Variants in PELI2 observed in about 807,000 individuals in gnomAD.
PELI2 encodes the protein pellino E3 ubiquitin protein ligase family member 2.
In PELI2, 23 loss-of-function variants were observed where a neutral mutation model predicts 42.3. The ratio of observed to expected loss-of-function variants is 0.54; its 90% CI spans 0.39 to 0.77. The LOEUF is 0.77. PELI2 is among the 30% of genes least tolerant of loss of function. The probability of loss-of-function intolerance (pLI) is 0.00; values close to 1 mark genes in which losing one functional copy is unlikely to be tolerated. For synonymous variants in PELI2, 245 were observed against 212.2 expected (o/e 1.15, Z -1.34); for missense variants, 463 against 553.2 (o/e 0.84, Z 1.64).
At chr14:56,230,778 A>T (rs1004278946) in intron 2 of PELI2, among the ~76,000 whole-genome samples, 9 of 152,244 alleles carry the variant, frequency 5.9e-5, no homozygotes, top group Non-Finnish European at 8.8e-5. Flanking sequence ...AATGGGCTAA[A>T]TGTTCCAATT....
At chr14:56,141,391 T>A (rs1326295303) in intron 1 of PELI2, among the ~76,000 whole-genome samples, 2 of 152,202 alleles carry the variant, frequency 1.3e-5, no homozygotes, top group Admixed American at 1.3e-4. Context: ...GGCACGAGAA[T>A]GGCCAGTTGG....
intron 2 of PELI2, among the ~76,000 whole-genome samples, chr14:56,267,206 G>A (rs1247735023): frequency 6.6e-6 from 1 of 152,064 alleles, no homozygotes. Context: ...AAAATTAAGT[G>A]TTATAGAGAT....
At chr14:56,208,742 AGC>A (rs1288759291) in intron 2 of PELI2, among the ~76,000 whole-genome samples, 1 of 152,254 alleles carries the variant, frequency 6.6e-6, no homozygotes, top group Admixed American at 6.5e-5. Flanking sequence ...CACATACCAA[AGC>A]ATGATGGTTA....
At chr14:56,182,203 G>A (rs1765147758) in intron 2 of PELI2, among the ~76,000 whole-genome samples, 1 of 151,990 alleles carries the variant, frequency 6.6e-6, no homozygotes, top group African/African-American at 2.4e-5. Flanking sequence ...AGCTGGAGAG[G>A]AGAGAGGAGT....
intron 2 of PELI2, among the ~76,000 whole-genome samples, chr14:56,262,806 A>C (rs575551281): frequency 2.8e-5 from 2 of 71,898 alleles, no homozygotes; most frequent in South Asian, 8.0e-4. Flanking sequence ...TGTGTTATAT[A>C]ATATCCCTGA....
At chr14:56,277,823 AT>A (rs1889346825) in intron 2 of PELI2, among the ~76,000 whole-genome samples, 1 of 152,260 alleles carries the variant, frequency 6.6e-6, no homozygotes, top group African/African-American at 2.4e-5. Flanking sequence ...TGTTTTAAGC[AT>A]GAGCAACTCC....
intron 1 of PELI2, among the ~76,000 whole-genome samples, chr14:56,120,909 T>A (rs1277008076): frequency 6.6e-6 from 1 of 152,164 alleles, no homozygotes; most frequent in Non-Finnish European, 1.5e-5. Flanking sequence ...GGTATTTTTC[T>A]TTTTTCGAGG....
chr14:56,247,833 C>T (rs1272534617), intron 2 of PELI2, among the ~76,000 whole-genome samples: 1 of 152,126 alleles, frequency 6.6e-6, no homozygotes, highest in East Asian at 1.9e-4. Flanking sequence ...TTCATGGAAT[C>T]TTGTTAAGAA....
At chr14:56,225,490 A>G (rs1445655485) in intron 2 of PELI2, among the ~76,000 whole-genome samples, 2 of 152,154 alleles carry the variant, frequency 1.3e-5, no homozygotes, top group African/African-American at 2.4e-5. Context: ...AGCTCCCAGA[A>G]TGATGGGAGA....
chr14:56,226,886 A>C (rs1002222368), intron 2 of PELI2, among the ~76,000 whole-genome samples: 1 of 152,198 alleles, frequency 6.6e-6, no homozygotes, highest in Non-Finnish European at 1.5e-5. Context: ...CAAATTTTGC[A>C]GAACATGTAC....
Position 56,297,020 on chromosome 14 carries a change from T to C in PELI2, c.1117T>C (p.Cys373Arg), listed in dbSNP as rs1269962911. 1.9e-6 allele frequency: 3 copies of C among 1,614,130 alleles called. No individual in the cohort carries two copies. Among genetic ancestry groups the C allele is most frequent in the Non-Finnish European group, 8.5e-7 (1 of 1,180,022 alleles). The part of the protein sequence containing the change: ...THAFTPCGHV[C>R]SEKSAKYWSQ... ...TGCTTTCACTCCCTGTGGACACGTG[T>C]GCTCGGAGAAGTCTGCAAAATACTG... Residue 373 changes from cysteine to arginine, a missense_variant, in exon 6 of 6, where the codon TGC (cysteine) becomes CGC (arginine). This residue lies in a region of PELI2 where 103 missense variants were observed against 129.6 expected (regional missense o/e 0.80). Coordinates refer to ENST00000267460, the MANE Select transcript of PELI2 (RefSeq NM_021255.3).
chr14:56,251,076 C>T (rs1042177276), intron 2 of PELI2, among the ~76,000 whole-genome samples: 3 of 152,176 alleles, frequency 2.0e-5, no homozygotes, highest in Non-Finnish European at 4.4e-5. Flanking sequence ...AGCTACAGGC[C>T]GCCCCTGGGG....
intron 2 of PELI2, among the ~76,000 whole-genome samples, chr14:56,258,060 G>A (rs937316809): frequency 6.6e-6 from 1 of 152,178 alleles, no homozygotes; most frequent in African/African-American, 2.4e-5. Flanking sequence ...AAAGGACTGG[G>A]ATTAGTTATG....
intron 2 of PELI2, among the ~76,000 whole-genome samples, chr14:56,188,852 C>T (rs988486581): frequency 2.0e-5 from 3 of 152,104 alleles, no homozygotes; most frequent in African/African-American, 7.2e-5. Context: ...TGTGGCTCAT[C>T]TTTCACTTTA....
At chr14:56,244,159 G>A (rs1888071319) in intron 2 of PELI2, among the ~76,000 whole-genome samples, 1 of 152,162 alleles carries the variant, frequency 6.6e-6, no homozygotes, top group Admixed American at 6.6e-5. Flanking sequence ...AAACCTCAGA[G>A]GCATCATTCA....
At chr14:56,248,473 C>T (rs1052858696) in intron 2 of PELI2, among the ~76,000 whole-genome samples, 1 of 151,892 alleles carries the variant, frequency 6.6e-6, no homozygotes, top group African/African-American at 2.4e-5. Context: ...GAAAGCTTCA[C>T]ACAAGAGGTG....
intron 5 of PELI2, among the ~76,000 whole-genome samples, chr14:56,296,155 A>G (rs1233802898): frequency 2.0e-5 from 3 of 152,240 alleles, no homozygotes; most frequent in Non-Finnish European, 1.5e-5. Context: ...ACCCTCCAGT[A>G]ATGACTGCAG....
At chr14:56,171,848 T>A (rs1261079296) in intron 1 of PELI2, among the ~76,000 whole-genome samples, 2 of 152,072 alleles carry the variant, frequency 1.3e-5, no homozygotes, top group Non-Finnish European at 2.9e-5. Context: ...AAACCCTGTC[T>A]CTGCTAAAAA....
chr14:56,142,678 G>T (rs569930665), intron 1 of PELI2, among the ~76,000 whole-genome samples: 2 of 101,210 alleles, frequency 2.0e-5, no homozygotes, highest in Non-Finnish European at 4.0e-5. Flanking sequence ...ATGAGGTTAT[G>T]GCATAATTTT....
Sources: allele counts gnomAD v4.1 joint callset (sites outside exome capture counted in the v4.1 genomes callset), GRCh38; gene constraint gnomAD v4.1.1; regional missense constraint gnomAD v4.1.1; transcripts MANE v1.5; gene names NCBI Gene and HGNC (gene_info 2026-07-23, HGNC 2026-07-21).